The following UHRF1 variants were observed in gnomAD, a reference collection of about 807,000 sequenced individuals.
The protein encoded by UHRF1 is ubiquitin like with PHD and ring finger domains 1.
In UHRF1, 9 loss-of-function variants were observed where a neutral mutation model predicts 96.5. That is an observed-to-expected ratio of 0.09 (90% CI 0.06 to 0.16). The LOEUF is 0.16. UHRF1 is among the 10% of genes least tolerant of loss of function. UHRF1 has a pLI of 1.00. For missense variants in UHRF1, 626 were observed against 1,131.1 expected, an observed-to-expected ratio of 0.55 and a Z score of 6.40; for synonymous variants, 455 against 469.9, an observed-to-expected ratio of 0.97 and a Z score of 0.41.
chr19:4,916,594 C>G (rs1029062821), intron 2 of UHRF1, among the ~76,000 whole-genome samples: 15 of 152,110 alleles, frequency 9.9e-5, no homozygotes, highest in African/African-American at 3.6e-4. Flanking sequence ...TGTCACTAGC[C>G]CTCCACCCGT....
chr19:4,944,938 C>T (rs1042710006), intron 9 of UHRF1, among the ~76,000 whole-genome samples: 2 of 152,216 alleles, frequency 1.3e-5, no homozygotes, highest in African/African-American at 2.4e-5. Flanking sequence ...TGGCCCCCAC[C>T]CACTCCATGT....
At chr19:4,947,413 C>T (rs988901909) in intron 11 of UHRF1, among the ~76,000 whole-genome samples, 2 of 148,610 alleles carry the variant, frequency 1.3e-5, no homozygotes, top group Non-Finnish European at 3.0e-5. Flanking sequence ...TGGTTCCTCC[C>T]GTATGTGTGC....
intron 5 of UHRF1, among the ~76,000 whole-genome samples, chr19:4,936,726 G>A (rs954403725): frequency 6.6e-6 from 1 of 151,488 alleles, no homozygotes; most frequent in Admixed American, 6.6e-5. Context: ...AGGATCGCTT[G>A]AGCCTGGGAG....
In UHRF1 at chr19:4,956,713, A is replaced by T; in HGVS notation, c.2135A>T (p.Gln712Leu). Reference sequence around the variant, plus strand: ...CTCACACCCGCTTCCCTCTAGTTCCAGTTGTTCCTGAGTAAAGTGGAGGAG... The same window carrying T: ...CTCACACCCGCTTCCCTCTAGTTCCTGTTGTTCCTGAGTAAAGTGGAGGAG... ...KDRPASGSPF[Q>L]LFLSKVEETF... Residue 712 changes from glutamine to leucine, a missense_variant, in exon 16 of 17, where the codon CAG becomes CTG. This residue lies in a region of UHRF1 where 84 missense variants were observed against 150.3 expected (regional missense o/e 0.56). Transcript: ENST00000650932. The T allele has an allele frequency of 6.2e-7, 1 of 1,609,358 alleles. No individual in the cohort carries two copies. Among genetic ancestry groups the T allele is most frequent in the Non-Finnish European group, 8.5e-7 (1 of 1,177,344 alleles).
At chr19:4,938,730 G>GGTTTTTTT (rs1568421924) in intron 5 of UHRF1, among the ~76,000 whole-genome samples, 12 of 61,568 alleles carry the variant, frequency 1.9e-4, no homozygotes, top group Non-Finnish European at 2.9e-4. Context: ...TTTTGGTCAG[G>GGTTTTTTT]TTTTTTTTTT....
chr19:4,955,137 C>CT (rs1386990094), intron 15 of UHRF1, among the ~76,000 whole-genome samples: 2 of 152,076 alleles, frequency 1.3e-5, no homozygotes, highest in Non-Finnish European at 2.9e-5. Context: ...CCTTCTGTCT[C>CT]TGTCTCCCGG....
chr19:4,917,298 C>T (rs944739188), intron 2 of UHRF1, among the ~76,000 whole-genome samples: 2 of 151,812 alleles, frequency 1.3e-5, no homozygotes, highest in African/African-American at 4.8e-5. Context: ...ACTTAGTTAT[C>T]AAGTTGTATT....
Position 4,950,793 on chromosome 19 carries a change from G to T in UHRF1, c.1680+20G>T. 6.2e-7 allele frequency: 1 copy of T among 1,613,774 alleles called. No homozygotes were observed. Among genetic ancestry groups the T allele is most frequent in the East Asian group, 2.2e-5 (1 of 44,880 alleles). On this transcript the variant is annotated intron_variant, in intron 12 of 16. Transcript: ENST00000650932. ...TACAAGGTGAGTGCCCCTTGAGGAGGCCGGGGGCTCTGTCCCCGCCGGGGC... is the reference window on the plus strand; with the variant it reads ...TACAAGGTGAGTGCCCCTTGAGGAGTCCGGGGGCTCTGTCCCCGCCGGGGC...
rs2033107313 is a variant in UHRF1 at position 4,933,060 on chromosome 19, G to A, written c.785+104G>A. ...GTCCAGCCAGCGCTGTGTGTGCGAG[G>A]CCCTTAGCCTCCGGCCTGGCCTTCC... On this transcript the variant is annotated intron_variant, in intron 5 of 16. Coordinates refer to ENST00000650932, the MANE Select transcript of UHRF1 (RefSeq NM_001048201.3). 3 of 1,285,614 alleles carry A rather than the reference G, an allele frequency of 2.3e-6. No homozygotes were observed. The African/African-American group carries it at 4.5e-5, about 19-fold the overall frequency. 79.6% of individuals were successfully genotyped at this position (1,285,614 alleles called of 1,614,324 possible). A position where few individuals can be genotyped will look rare whatever the true frequency, so the allele number is the denominator to read the frequency against.
intron 9 of UHRF1, among the ~76,000 whole-genome samples, chr19:4,944,684 C>T (rs962355635): frequency 6.6e-6 from 1 of 152,216 alleles, no homozygotes; most frequent in Non-Finnish European, 1.5e-5. Flanking sequence ...CACGTAAGGT[C>T]ATTCCCAAAG....
chr19:4,927,029 C>G (rs2032894035), intron 2 of UHRF1, among the ~76,000 whole-genome samples: 1 of 152,036 alleles, frequency 6.6e-6, no homozygotes, highest in African/African-American at 2.4e-5. Context: ...CCACTGCACT[C>G]CAGCCTGGGC....
upstream of UHRF1, among the ~76,000 whole-genome samples, chr19:4,904,554 C>T (rs1191508972): frequency 6.6e-6 from 1 of 151,916 alleles, no homozygotes. Context: ...ACCTCATGAT[C>T]CACCCGCCTC....
intron 5 of UHRF1, among the ~76,000 whole-genome samples, chr19:4,933,315 A>G (rs1324636295): frequency 1.3e-5 from 2 of 152,082 alleles, no homozygotes; most frequent in East Asian, 1.9e-4. Flanking sequence ...TCCTGGGTTC[A>G]TGCCATTCTC....
upstream of UHRF1, among the ~76,000 whole-genome samples, chr19:4,908,546 T>C (rs949367915): frequency 6.6e-6 from 1 of 152,026 alleles, no homozygotes; most frequent in Non-Finnish European, 1.5e-5. Flanking sequence ...TTCCGGCCTC[T>C]GGGTTTGACT....
chr19:4,960,247 TAGATA>T (rs1386021764), intron 16 of UHRF1, among the ~76,000 whole-genome samples: 1 of 152,200 alleles, frequency 6.6e-6, no homozygotes, highest in Non-Finnish European at 1.5e-5. Context: ...TGCCCTGTTG[TAGATA>T]AGATAAGCAC....
In UHRF1 at chr19:4,927,729, G is replaced by A. The variant is rs1040373137; in HGVS notation, c.154-1493G>A. 3.3e-5 allele frequency among the ~76,000 whole-genome samples: 5 copies of A among 152,220 alleles called. No homozygotes were observed. In the East Asian group the frequency reaches 9.6e-4, roughly 29 times the overall value. On this transcript the variant is annotated intron_variant, in intron 2 of 16. Coordinates refer to ENST00000650932, the MANE Select transcript of UHRF1 (RefSeq NM_001048201.3). The stretch of plus-strand genomic sequence containing the variant: ...GTCATGACTGGTGGAGGCCAGGGCC[G>A]CTGCAGTGCCTCTGCAGTGCCCAGC...
In UHRF1 at chr19:4,938,623, C is replaced by G. The variant is rs113782273; in HGVS notation, c.786-2905C>G. Among the ~76,000 whole-genome samples the G allele has an allele frequency of 5.5e-3, 827 of 149,514 alleles. 12 individuals carry two copies. Among genetic ancestry groups the G allele is most frequent in the African/African-American group, 0.018 (751 of 40,650 alleles). ...GCTCACTGCAACCCCCAGATCCTGG[C>G]TTCAAGCGATCCTGACCTCAGGTGA... On this transcript the variant is annotated intron_variant, in intron 5 of 16. Coordinates refer to ENST00000650932, the MANE Select transcript of UHRF1 (RefSeq NM_001048201.3).
At chr19:4,942,942 A>G (rs1388970594) in intron 7 of UHRF1, among the ~76,000 whole-genome samples, 14 of 150,700 alleles carry the variant, frequency 9.3e-5, no homozygotes, top group Admixed American at 8.6e-4. Flanking sequence ...CTATTTCTTT[A>G]GAAAAGTAAA....
intron 2 of UHRF1, among the ~76,000 whole-genome samples, chr19:4,917,485 C>G (rs2032560289): frequency 6.6e-6 from 1 of 151,586 alleles, no homozygotes. Flanking sequence ...GAAACCCCAT[C>G]TTTACTAAAG....
Sources: gnomAD v4.1 joint callset for allele counts (sites outside exome capture counted in the v4.1 genomes callset) on GRCh38, gnomAD v4.1.1 for gene constraint, gnomAD v4.1.1 regional missense constraint, MANE v1.5 for transcripts, NCBI Gene and HGNC (gene_info 2026-07-23, HGNC 2026-07-21) for gene names.